ERBB2: variants seen among roughly 807,000 people sequenced by gnomAD.
ERBB2 encodes the protein erb-b2 receptor tyrosine kinase 2.
A neutral mutation model predicts 149.0 loss-of-function variants in ERBB2; 61 were observed. The observed-to-expected ratio is 0.41, with a 90% confidence interval of 0.33 to 0.51. The LOEUF (loss-of-function observed/expected upper bound fraction) is 0.51. Ranked by LOEUF, ERBB2 falls within the 20% of genes least tolerant of loss-of-function variation. ERBB2 has a pLI of 0.25. For synonymous variants in ERBB2, 633 were observed against 678.8 expected (o/e 0.93, Z 1.05); for missense variants, 1,205 against 1,655.1 (o/e 0.73, Z 4.72).
upstream of ERBB2, among the ~76,000 whole-genome samples, chr17:39,691,574 T>TATATATATATATATATATATACACACAC (rs1244087250): frequency 8.2e-6 from 1 of 122,050 alleles, no homozygotes; most frequent in African/African-American, 4.0e-5. Flanking sequence ...TATATATATA[T>TATATATATATATATATATATACACACAC]ACACACACAC....
chr17:39,715,740 T>A lies in ERBB2; in HGVS notation c.1314T>A (p.Asn438Lys). Residue 438 changes from asparagine to lysine, a missense_variant and splice_region_variant, in exon 12 of 27, where the codon AAT (asparagine) becomes AAA (lysine). By Grantham distance (94) the Asn-to-Lys change is moderately conservative. This residue lies in a region of ERBB2 where 569 missense variants were observed against 803.5 expected (regional missense o/e 0.71). Transcript: ENST00000269571. ...TAAGGTGCCCACCTTTCTCCCATAG[T>A]GGCGCCTACTCGCTGACCCTGCAAG... ...LQVIRGRILH[N>K]GAYSLTLQGL... is the part of the protein sequence containing the mutation. 6.2e-7 allele frequency: 1 copy of A among 1,605,990 alleles called. No homozygotes were observed. The highest frequency in any genetic ancestry group is 8.5e-7 in the Non-Finnish European group (1 of 1,179,968).
chr17:39,706,405 G>A lies in ERBB2; in HGVS notation c.74-585G>A, dbSNP rs148679039. Among the ~76,000 whole-genome samples, 6 of 152,278 alleles carry A rather than the reference G, an allele frequency of 3.9e-5. No individual in the cohort carries two copies. The East Asian group carries it at 9.6e-4, about 24-fold the overall frequency. On this transcript the variant is annotated intron_variant, in intron 1 of 26. Coordinates refer to ENST00000269571, the MANE Select transcript of ERBB2 (RefSeq NM_004448.4). Reference sequence around the variant, plus strand: ...TTCTCTTCATGGGGGACTCCCAGAGGTCTCTGCAATGACCAGAGCCCCGGT... The same window carrying A: ...TTCTCTTCATGGGGGACTCCCAGAGATCTCTGCAATGACCAGAGCCCCGGT...
At chr17:39,722,872 C>T (rs1054861117) in intron 16 of ERBB2, among the ~76,000 whole-genome samples, 1 of 152,054 alleles carries the variant, frequency 6.6e-6, no homozygotes, top group African/African-American at 2.4e-5. Context: ...ACCCACACCA[C>T]GCCCAGCTAA....
Position 39,719,778 on chromosome 17 carries a change from C to G in ERBB2, c.1899-9C>G. 1.2e-6 allele frequency: 2 copies of G among 1,614,102 alleles called. No homozygotes were observed. The highest frequency in any genetic ancestry group is 8.5e-7 in the Non-Finnish European group (1 of 1,179,932). Reference sequence around the variant, plus strand: ...CCCAGAATTGTTGATGAGACTGTTTCTCCTGCAGCTGTGTGGACCTGGATG... The same window carrying G: ...CCCAGAATTGTTGATGAGACTGTTTGTCCTGCAGCTGTGTGGACCTGGATG... On this transcript the variant is annotated splice_polypyrimidine_tract_variant and intron_variant, in intron 15 of 26. Coordinates refer to ENST00000269571, the MANE Select transcript of ERBB2 (RefSeq NM_004448.4).
upstream of ERBB2, among the ~76,000 whole-genome samples, chr17:39,692,422 T>G (rs2904765): frequency 0.61 from 88,137 of 144,778 alleles, 27,012 homozygotes; most frequent in South Asian, 0.72. Flanking sequence ...TTTTTTTTTT[T>G]AAACGGAGTT....
rs2145477957 is a variant in ERBB2 at position 39,709,461 on chromosome 17, T to C, written c.574+9T>C. The C allele has an allele frequency of 3.1e-6, 5 of 1,613,962 alleles. 1 individual carries two copies. Among genetic ancestry groups the C allele is most frequent in the Non-Finnish European group, 2.5e-6 (3 of 1,179,978 alleles). On this transcript the variant is annotated intron_variant, in intron 4 of 26. Coordinates refer to ENST00000269571, the MANE Select transcript of ERBB2 (RefSeq NM_004448.4). Reference sequence around the variant, plus strand: ...CAACCGCTCTCGGGCCTGTAAGCCATGCCCCTCCCTGCTGCCTCTTCTCTC... The same window carrying C: ...CAACCGCTCTCGGGCCTGTAAGCCACGCCCCTCCCTGCTGCCTCTTCTCTC...
chr17:39,691,937 A>AT (rs1010064029), upstream of ERBB2, among the ~76,000 whole-genome samples: 3 of 136,334 alleles, frequency 2.2e-5, no homozygotes, highest in Non-Finnish European at 4.6e-5. Context: ...ACATATACAT[A>AT]TATATATATA....
intron 1 of ERBB2, among the ~76,000 whole-genome samples, chr17:39,703,691 T>A (rs2058246535): frequency 6.6e-6 from 1 of 152,200 alleles, no homozygotes; most frequent in South Asian, 2.1e-4. Context: ...GGGAACTTGC[T>A]CAAGATCACT....
Position 39,725,022 on chromosome 17 carries a change from G to T in ERBB2, c.2494-27G>T, listed in dbSNP as rs749244721. ...TGGCCAGGCCCAGGCCCTCCCAGAA[G>T]GTCTACATGGGTGCTTCCCATTCCA... On this transcript the variant is annotated intron_variant, in intron 20 of 26. Coordinates refer to ENST00000269571, the MANE Select transcript of ERBB2 (RefSeq NM_004448.4). The surrounding 1 kb of genome is among the most constrained non-coding windows in gnomAD (Gnocchi z 4.6). The T allele has an allele frequency of 8.7e-6, 14 of 1,613,382 alleles. No individual in the cohort carries two copies. In the South Asian group the frequency reaches 1.4e-4, roughly 16 times the overall value.
rs532987868 is a variant in ERBB2, at chr17:39,708,068, C to G, written c.226-253C>G. On this transcript the variant is annotated intron_variant, in intron 2 of 26. Transcript: ENST00000269571. ...TTTCACTGATGAAGAAACTGAGATA[C>G]AGAGAGGGCAGGGCACCTGTTCGGA... 20 of 418,248 alleles carry G rather than the reference C, an allele frequency of 4.8e-5. 1 individual carries two copies. The highest frequency in any genetic ancestry group is 8.1e-5 in the Non-Finnish European group (19 of 234,134). The allele number at this position is 418,248 out of a possible 1,614,324, so 25.9% of individuals were successfully genotyped here. A position where few individuals can be genotyped will look rare whatever the true frequency, so the allele number is the denominator to read the frequency against.
Position 39,728,265 on chromosome 17 carries a change from T to C in ERBB2, c.*221T>C, listed in dbSNP as rs2059889089. 1 of 473,222 alleles carries C rather than the reference T, an allele frequency of 2.1e-6. No individual in the cohort carries two copies. Among genetic ancestry groups the C allele is most frequent in the Admixed American group, 3.4e-5 (1 of 29,254 alleles). The allele number at this position is 473,222 out of a possible 1,614,324, so 29.3% of individuals were successfully genotyped here. A position where few individuals can be genotyped will look rare whatever the true frequency, so the allele number is the denominator to read the frequency against. On this transcript the variant is annotated 3_prime_UTR_variant, in exon 27 of 27. Transcript: ENST00000269571. ...GAGGAACAGCACTGGGGAGTCTTTGTGGATTCTGAGGCCCTGCCCAATGAG... is the reference window on the plus strand; with the variant it reads ...GAGGAACAGCACTGGGGAGTCTTTGCGGATTCTGAGGCCCTGCCCAATGAG...
In ERBB2 at chr17:39,715,778, G is replaced by T; in HGVS notation, c.1352G>T (p.Ser451Ile). The change falls in exon 12 of 27, where the codon AGC (serine) becomes ATC (isoleucine). Residue 451 changes from serine to isoleucine, a missense_variant. Physicochemically the swap from Ser to Ile is moderately radical, Grantham distance 142. Coordinates refer to ENST00000269571, the MANE Select transcript of ERBB2 (RefSeq NM_004448.4). ...CTGACCCTGCAAGGGCTGGGCATCAGCTGGCTGGGGCTGCGCTCACTGAGG... is the reference window on the plus strand; with the variant it reads ...CTGACCCTGCAAGGGCTGGGCATCATCTGGCTGGGGCTGCGCTCACTGAGG... ...YSLTLQGLGI[S>I]WLGLRSLREL... The T allele has an allele frequency of 6.2e-7, 1 of 1,608,512 alleles. No homozygotes were observed. The highest frequency in any genetic ancestry group is 1.1e-5 in the South Asian group (1 of 91,086).
At chr17:39,710,009 C>A in intron 5 of ERBB2, 77 bp from the exon 6 acceptor site, 1 of 1,508,646 alleles carries the variant, frequency 6.6e-7, no homozygotes, top group Non-Finnish European at 9.1e-7. Flanking sequence ...GCCAGGTAGT[C>A]TCCCTAGAAG....
chr17:39,728,069 C>T lies in ERBB2; in HGVS notation c.*25C>T, dbSNP rs777932453. The T allele has an allele frequency of 6.6e-7, 1 of 1,504,610 alleles. No individual in the cohort carries two copies. Among genetic ancestry groups the T allele is most frequent in the African/African-American group, 1.4e-5 (1 of 72,868 alleles). The allele number at this position is 1,504,610 out of a possible 1,614,324, so 93.2% of individuals were successfully genotyped here. On this transcript the variant is annotated 3_prime_UTR_variant, in exon 27 of 27. Transcript: ENST00000269571. ...AACCAGAAGGCCAAGTCCGCAGAAGCCCTGATGTGTCCTCAGGGAGCAGGG... is the reference window on the plus strand; with the variant it reads ...AACCAGAAGGCCAAGTCCGCAGAAGTCCTGATGTGTCCTCAGGGAGCAGGG...
At chr17:39,714,003 G>A (rs1294976291) in intron 9 of ERBB2, among the ~76,000 whole-genome samples, 1 of 150,244 alleles carries the variant, frequency 6.7e-6, no homozygotes, top group Non-Finnish European at 1.5e-5. Context: ...GGTTGCAGTG[G>A]GTTGAAATCA....
chr17:39,700,363 G>C (rs2145273947), intron 1 of ERBB2, 52 bp downstream of exon 1: 1 of 1,254,618 alleles, frequency 8.0e-7, no homozygotes, highest in Non-Finnish European at 1.0e-6. Flanking sequence ...CTGCCCTGTG[G>C]ATGCCCCGCC....
At position 39,726,802 on chromosome 17, in the gene ERBB2, C is replaced by T. The variant is rs2143165192; in HGVS notation, c.2971-13C>T. 1 of 1,608,974 alleles carries T rather than the reference C, an allele frequency of 6.2e-7. No individual in the cohort carries two copies. Among genetic ancestry groups the T allele is most frequent in the Non-Finnish European group, 8.5e-7 (1 of 1,176,346 alleles). Reference sequence around the variant, plus strand: ...GGGGAGGGGCCACCATCCTGCCTCTCCTTCCTCCACAGAATGAGGACTTGG... The same window carrying T: ...GGGGAGGGGCCACCATCCTGCCTCTTCTTCCTCCACAGAATGAGGACTTGG... On this transcript the variant is annotated splice_polypyrimidine_tract_variant and intron_variant, in intron 24 of 26. Coordinates refer to ENST00000269571, the MANE Select transcript of ERBB2 (RefSeq NM_004448.4). The surrounding 1 kb of genome is among the most constrained non-coding windows in gnomAD (Gnocchi z 5.1).
intron 4 of ERBB2, 94 bp downstream of exon 4, chr17:39,709,546 C>A (rs2058670734): frequency 6.9e-7 from 1 of 1,451,548 alleles, no homozygotes; most frequent in Non-Finnish European, 9.5e-7. Context: ...CCCGCCACTG[C>A]CCCAGCCGCC....
chr17:39,725,342 A>G lies in ERBB2; in HGVS notation c.2665A>G (p.Met889Val), dbSNP rs2145874768. 1 of 1,608,082 alleles carries G rather than the reference A, an allele frequency of 6.2e-7. No homozygotes were observed. The highest frequency in any genetic ancestry group is 1.1e-5 in the South Asian group (1 of 90,928). The change falls in exon 22 of 27, where the codon ATG (methionine) becomes GTG (valine). Residue 889 changes from methionine to valine, a missense_variant. Around this residue, in one of 6 missense-constraint regions of ERBB2, gnomAD observed 152 missense variants for 318.1 expected, o/e 0.48. Transcript: ENST00000269571. The surrounding 1 kb of genome is among the most constrained non-coding windows in gnomAD (Gnocchi z 4.6). Reference protein sequence around the residue: ...ADGGKVPIKWMALESILRRRF... With the variant: ...ADGGKVPIKWVALESILRRRF... ...GCCCTCCCAGGTGCCCATCAAGTGG[A>G]TGGCGCTGGAGTCCATTCTCCGCCG...
Sources: gnomAD v4.1 joint callset for allele counts (sites outside exome capture counted in the v4.1 genomes callset) on GRCh38, gnomAD v4.1.1 for gene constraint, gnomAD v4.1.1 regional missense constraint, Gnocchi (gnomAD v3.1) non-coding constraint, MANE v1.5 for transcripts, NCBI Gene and HGNC (gene_info 2026-07-23, HGNC 2026-07-21) for gene names.